Variants in CNTN4 observed in about 807,000 individuals in gnomAD.
CNTN4 encodes contactin 4, also known as contactin-4.
Under a neutral mutation model 122.5 loss-of-function variants are expected in CNTN4, and 77 were observed. The observed-to-expected ratio is 0.63, with a 90% CI of 0.52 to 0.76. The LOEUF (loss-of-function observed/expected upper bound fraction) is 0.76. CNTN4 is among the 30% of genes least tolerant of loss of function. The pLI, the probability that CNTN4 is intolerant of heterozygous loss-of-function variation, is 0.00. For synonymous variants in CNTN4, 512 were observed against 447.0 expected (o/e 1.15, Z -1.83); for missense variants, 1,256 against 1,259.1 (o/e 1.00, Z 0.04).
chr3:2,126,002 C>T (rs550674854), intron 2 of CNTN4, among the ~76,000 whole-genome samples: 7 of 151,642 alleles, frequency 4.6e-5, no homozygotes, highest in Admixed American at 4.6e-4. Flanking sequence ...TGAGTGTGAT[C>T]AGCACTAATT....
At chr3:2,382,402 G>T (rs1302824473) in intron 3 of CNTN4, among the ~76,000 whole-genome samples, 1 of 151,930 alleles carries the variant, frequency 6.6e-6, no homozygotes, top group Non-Finnish European at 1.5e-5. Flanking sequence ...TGATCCACCC[G>T]CCTCGGCCTC....
At chr3:2,136,792 T>C (rs980576173) in intron 2 of CNTN4, among the ~76,000 whole-genome samples, 1 of 152,192 alleles carries the variant, frequency 6.6e-6, no homozygotes, top group Non-Finnish European at 1.5e-5. Flanking sequence ...AAAGAATTGA[T>C]TCCGTTTACT....
intron 2 of CNTN4, among the ~76,000 whole-genome samples, chr3:2,137,980 C>G (rs2034788571): frequency 6.6e-6 from 1 of 152,124 alleles, no homozygotes; most frequent in Admixed American, 6.5e-5. Context: ...CATTGGTAAC[C>G]AAGCTGCAAA....
In CNTN4 at chr3:2,602,545, C is replaced by T. The variant is rs535646952; in HGVS notation, c.55+30987C>T. On this transcript the variant is annotated intron_variant, in intron 4 of 24. Coordinates refer to ENST00000418658, the MANE Select transcript of CNTN4 (RefSeq NM_175607.3). ...TCCAACTTACAAGGGATGTGAAGGA[C>T]CTCTTCAAGGAGAACTACAAAACAC... Among the ~76,000 whole-genome samples the T allele has an allele frequency of 2.3e-4, 35 of 152,222 alleles. No individual in the cohort carries two copies. In the South Asian group the frequency reaches 3.1e-3, roughly 14 times the overall value.
Position 2,377,908 on chromosome 3 carries a change from G to A in CNTN4, c.-89+38675G>A, listed in dbSNP as rs78049649. On this transcript the variant is annotated intron_variant, in intron 3 of 24. Transcript: ENST00000418658. ...CTCCTGGATGAGGCATTTTTAAAAAGCAGATAAAATACCAATGTAAAGATT... is the reference window on the plus strand; with the variant it reads ...CTCCTGGATGAGGCATTTTTAAAAAACAGATAAAATACCAATGTAAAGATT... Among the ~76,000 whole-genome samples, 6 of 152,266 alleles carry A rather than the reference G, an allele frequency of 3.9e-5. No individual in the cohort carries two copies. In the East Asian group the frequency reaches 9.7e-4, roughly 25 times the overall value.
At chr3:2,933,313 A>G (rs1341623931) in intron 13 of CNTN4, among the ~76,000 whole-genome samples, 2 of 152,126 alleles carry the variant, frequency 1.3e-5, no homozygotes. Flanking sequence ...GTGAGATTCA[A>G]CGGAATTTGG....
intron 2 of CNTN4, among the ~76,000 whole-genome samples, chr3:2,173,313 G>A (rs1411510493): frequency 6.6e-6 from 1 of 152,148 alleles, no homozygotes; most frequent in East Asian, 1.9e-4. Context: ...GCCGGTTGAT[G>A]GACTTCAGCC....
chr3:2,939,577 T>A lies in CNTN4; in HGVS notation c.1358+13798T>A, dbSNP rs186687420. On this transcript the variant is annotated intron_variant, in intron 13 of 24. Coordinates refer to ENST00000418658, the MANE Select transcript of CNTN4 (RefSeq NM_175607.3). ...TAACCTTCCATGCCCCTAAAAATGA[T>A]CACATGTAGTAAGTCAGCAAGGCTG... 2.9e-3 allele frequency among the ~76,000 whole-genome samples: 440 copies of A among 152,252 alleles called. 2 individuals carry two copies. Among genetic ancestry groups the A allele is most frequent in the Non-Finnish European group, 4.7e-3 (323 of 68,014 alleles).
intron 10 of CNTN4, among the ~76,000 whole-genome samples, chr3:2,897,874 G>T (rs1446433700): frequency 6.6e-6 from 1 of 152,134 alleles, no homozygotes; most frequent in Non-Finnish European, 1.5e-5. Flanking sequence ...ACATGGAGTT[G>T]TAAAATATAG....
chr3:2,427,275 T>C (rs910369317), intron 3 of CNTN4, among the ~76,000 whole-genome samples: 1 of 152,226 alleles, frequency 6.6e-6, no homozygotes, highest in African/African-American at 2.4e-5. Context: ...TGTTGTGTCT[T>C]TGTTCTCATT....
At chr3:2,581,449 A>G (rs1025939708) in intron 4 of CNTN4, among the ~76,000 whole-genome samples, 13 of 152,326 alleles carry the variant, frequency 8.5e-5, no homozygotes, top group Non-Finnish European at 8.8e-5. Context: ...AGAATCTGAG[A>G]GCACACTAAC....
At chr3:2,705,367 CAAAA>C (rs540264724) in intron 4 of CNTN4, among the ~76,000 whole-genome samples, 2 of 48,324 alleles carry the variant, frequency 4.1e-5, no homozygotes, top group Admixed American at 2.7e-4. Flanking sequence ...GACTCCGTCT[CAAAA>C]AAAAAAAAAA....
At chr3:2,120,405 A>ATATATTTTT (rs1428527983) in intron 2 of CNTN4, among the ~76,000 whole-genome samples, 2 of 40,872 alleles carry the variant, frequency 4.9e-5, no homozygotes, top group Non-Finnish European at 8.5e-5. Context: ...ATATATATAT[A>ATATATTTTT]TTTTTTTTTT....
At chr3:2,603,714 C>G (rs937748856) in intron 4 of CNTN4, among the ~76,000 whole-genome samples, 2 of 152,158 alleles carry the variant, frequency 1.3e-5, no homozygotes, top group Non-Finnish European at 2.9e-5. Context: ...ATGGGCTGGT[C>G]TATTACTTCT....
At position 2,883,140 on chromosome 3, in the gene CNTN4, C is replaced by T; in HGVS notation, c.653-5C>T. ...CCAAGACTTAGCCCCTTTATTTATT[C>T]ACAGGAGTGATGGGTGAATATGAGC... On this transcript the variant is annotated splice_region_variant and splice_polypyrimidine_tract_variant and intron_variant, in intron 8 of 24. Coordinates refer to ENST00000418658, the MANE Select transcript of CNTN4 (RefSeq NM_175607.3). 1 of 1,605,190 alleles carries T rather than the reference C, an allele frequency of 6.2e-7. No homozygotes were observed. Among genetic ancestry groups the T allele is most frequent in the South Asian group, 1.1e-5 (1 of 90,752 alleles).
Position 2,287,732 on chromosome 3 carries a change from A to G in CNTN4, c.-144-51446A>G, listed in dbSNP as rs192679940. Among the ~76,000 whole-genome samples, 243 of 98,084 alleles carry G rather than the reference A, an allele frequency of 2.5e-3. 2 individuals carry two copies. Among genetic ancestry groups the G allele is most frequent in the African/African-American group, 6.0e-3 (156 of 25,918 alleles). 64.3% of individuals were successfully genotyped at this position (98,084 alleles called of 152,430 possible). Reference sequence around the variant, plus strand: ...AAGAGGAAGAAGAAGAAGAAGAAGAAGAAGAAGAAGAAGAAGAAGAAGAAG... The same window carrying G: ...AAGAGGAAGAAGAAGAAGAAGAAGAGGAAGAAGAAGAAGAAGAAGAAGAAG... On this transcript the variant is annotated intron_variant, in intron 2 of 24. Coordinates refer to ENST00000418658, the MANE Select transcript of CNTN4 (RefSeq NM_175607.3).
chr3:3,049,044 G>T (rs186341987), intron 23 of CNTN4, among the ~76,000 whole-genome samples: 1 of 152,122 alleles, frequency 6.6e-6, no homozygotes, highest in African/African-American at 2.4e-5. Flanking sequence ...CTACTAATAC[G>T]TCTACTAAGC....
intron 3 of CNTN4, among the ~76,000 whole-genome samples, chr3:2,373,816 G>T (rs1056722748): frequency 3.3e-5 from 5 of 152,150 alleles, no homozygotes; most frequent in African/African-American, 1.2e-4. Flanking sequence ...CTCTTTAAAG[G>T]TCAACCTAAT....
intron 3 of CNTN4, among the ~76,000 whole-genome samples, chr3:2,379,152 C>T (rs2045928162): frequency 6.6e-6 from 1 of 152,120 alleles, no homozygotes; most frequent in Non-Finnish European, 1.5e-5. Context: ...AAGATTGAGA[C>T]AGTTTTCTAA....
Sources: allele counts gnomAD v4.1 joint callset (sites outside exome capture counted in the v4.1 genomes callset), GRCh38; gene constraint gnomAD v4.1.1; transcripts MANE v1.5; gene names NCBI Gene and HGNC (gene_info 2026-07-23, HGNC 2026-07-21).